Variants in PIP5K1B observed in about 807,000 individuals in gnomAD.
The protein encoded by PIP5K1B is phosphatidylinositol-4-phosphate 5-kinase type 1 beta.
PIP5K1B carries 42 observed loss-of-function variants against 67.0 expected under a neutral mutation model. The observed-to-expected ratio is 0.63, with a 90% CI of 0.49 to 0.81. The LOEUF is 0.81. Ranked by LOEUF, PIP5K1B falls within the 30% of genes least tolerant of loss-of-function variation. PIP5K1B has a pLI of 0.00. For synonymous variants in PIP5K1B, 214 were observed against 231.4 expected (o/e 0.92, Z 0.68); for missense variants, 459 against 646.3 (o/e 0.71, Z 3.14).
chr9:68,847,643 C>T (rs1822265713), intron 4 of PIP5K1B, among the ~76,000 whole-genome samples: 1 of 151,940 alleles, frequency 6.6e-6, no homozygotes, highest in Non-Finnish European at 1.5e-5. Context: ...ACTTTGGCCC[C>T]ATATAGGACA....
At chr9:68,888,125 C>T (rs150929098) in intron 6 of PIP5K1B, among the ~76,000 whole-genome samples, 72 of 152,274 alleles carry the variant, frequency 4.7e-4, no homozygotes, top group African/African-American at 1.5e-3. Context: ...ACTACAGGCA[C>T]GTGCCACCAC....
Position 68,919,712 on chromosome 9 carries a change from G to A in PIP5K1B, c.1099G>A (p.Ala367Thr). 6.4e-7 allele frequency: 1 copy of A among 1,553,246 alleles called. No individual in the cohort carries two copies. Among genetic ancestry groups the A allele is most frequent in the East Asian group, 2.2e-5 (1 of 44,466 alleles). Residue 367 changes from alanine (A) to threonine (T), a missense_variant, in exon 11 of 16, where the codon GCT (alanine) becomes ACT (threonine). By Grantham distance (58) the Ala-to-Thr change is moderately conservative. This residue lies in a region of PIP5K1B where 290 missense variants were observed against 474.4 expected (regional missense o/e 0.61). Transcript: ENST00000265382. Reference sequence around the variant, plus strand: ...GAAGAAGTTAGAACATTCCTGGAAAGCTCTTGTTTATGATGGGGTAAGTGA... The same window carrying A: ...GAAGAAGTTAGAACATTCCTGGAAAACTCTTGTTTATGATGGGGTAAGTGA... ...LMKKLEHSWK[A>T]LVYDGDTVSV...
chr9:68,790,633 C>T (rs925674478), intron 2 of PIP5K1B, among the ~76,000 whole-genome samples: 2 of 152,336 alleles, frequency 1.3e-5, no homozygotes, highest in South Asian at 2.1e-4. Flanking sequence ...CCCACTCACT[C>T]ACCCTTGTGG....
intron 15 of PIP5K1B, among the ~76,000 whole-genome samples, chr9:69,003,466 T>G (rs1442552559): frequency 6.1e-5 from 1 of 16,514 alleles, no homozygotes; most frequent in Non-Finnish European, 1.6e-4. Context: ...TAATTATAGT[T>G]AAAAAAAAAA....
chr9:68,802,478 C>T (rs1008312207), intron 2 of PIP5K1B, among the ~76,000 whole-genome samples: 14 of 151,584 alleles, frequency 9.2e-5, no homozygotes, highest in African/African-American at 3.2e-4. Context: ...AGGTTATTGC[C>T]CTCAAGGGGC....
chr9:68,731,278 T>C (rs934164196), intron 1 of PIP5K1B, among the ~76,000 whole-genome samples: 5 of 152,192 alleles, frequency 3.3e-5, no homozygotes, highest in Admixed American at 6.5e-5. Flanking sequence ...GACGTATATA[T>C]TTTGTGGGGA....
chr9:68,918,848 A>G (rs532521494), intron 9 of PIP5K1B, among the ~76,000 whole-genome samples: 27 of 152,346 alleles, frequency 1.8e-4, no homozygotes, highest in African/African-American at 5.1e-4. Flanking sequence ...GTGAAATACA[A>G]TAAGGCTATT....
At chr9:68,893,104 C>T (rs1359349561) in intron 7 of PIP5K1B, among the ~76,000 whole-genome samples, 1 of 151,682 alleles carries the variant, frequency 6.6e-6, no homozygotes, top group African/African-American at 2.4e-5. Context: ...TTTAAGGCAA[C>T]ACATTTATAT....
chr9:68,866,665 AATCAG>A (rs1413336781), intron 5 of PIP5K1B, among the ~76,000 whole-genome samples: 1 of 152,202 alleles, frequency 6.6e-6, no homozygotes, highest in Admixed American at 6.5e-5. Flanking sequence ...TGTCTAAAAT[AATCAG>A]GTACTAGACC....
intron 2 of PIP5K1B, among the ~76,000 whole-genome samples, chr9:68,793,830 T>G (rs758938999): frequency 6.6e-6 from 1 of 152,154 alleles, no homozygotes; most frequent in Non-Finnish European, 1.5e-5. Flanking sequence ...TGCCTGTGGA[T>G]AGTGAAGTCA....
chr9:68,751,306 T>TA (rs1829619721), intron 2 of PIP5K1B, among the ~76,000 whole-genome samples: 1 of 152,232 alleles, frequency 6.6e-6, no homozygotes, highest in African/African-American at 2.4e-5. Flanking sequence ...AGGTACTATG[T>TA]AAATATTCAT....
intron 14 of PIP5K1B, among the ~76,000 whole-genome samples, chr9:68,989,365 C>A (rs985847908): frequency 6.6e-6 from 1 of 151,908 alleles, no homozygotes; most frequent in African/African-American, 2.4e-5. Flanking sequence ...GAGGTGAGCT[C>A]TGATTTAAAC....
At chr9:68,762,589 T>A (rs184638297) in intron 2 of PIP5K1B, among the ~76,000 whole-genome samples, 54 of 152,244 alleles carry the variant, frequency 3.5e-4, no homozygotes, top group African/African-American at 1.2e-3. Flanking sequence ...GAAGCTGATA[T>A]AGAAGAGATA....
intron 6 of PIP5K1B, among the ~76,000 whole-genome samples, chr9:68,880,471 C>T (rs1396582557): frequency 1.3e-5 from 2 of 152,050 alleles, no homozygotes; most frequent in East Asian, 3.9e-4. Flanking sequence ...AGGAGAATCA[C>T]TTGTACCCCG....
chr9:68,987,290 G>A (rs866139768), intron 14 of PIP5K1B, among the ~76,000 whole-genome samples: 5 of 151,110 alleles, frequency 3.3e-5, no homozygotes, highest in African/African-American at 9.7e-5. Context: ...GGGGCCAGGC[G>A]TGGCGGCTTA....
chr9:68,886,190 A>AT (rs1587616630), intron 6 of PIP5K1B, among the ~76,000 whole-genome samples: 1 of 152,150 alleles, frequency 6.6e-6, no homozygotes, highest in East Asian at 1.9e-4. Context: ...AAAAAAAAAA[A>AT]GAAAAATTTA....
chr9:68,707,154 T>TA (rs1441668344), intron 1 of PIP5K1B, among the ~76,000 whole-genome samples: 1 of 152,100 alleles, frequency 6.6e-6, no homozygotes, highest in African/African-American at 2.4e-5. Context: ...GGCAGAGACT[T>TA]ATGAGGACTG....
At chr9:68,833,983 C>T (rs1223867500) in intron 4 of PIP5K1B, among the ~76,000 whole-genome samples, 1 of 152,188 alleles carries the variant, frequency 6.6e-6, no homozygotes, top group Non-Finnish European at 1.5e-5. Context: ...GATGCATAGG[C>T]ATTGGTGAAA....
At chr9:68,887,385 A>T (rs1824530996) in intron 6 of PIP5K1B, among the ~76,000 whole-genome samples, 1 of 152,158 alleles carries the variant, frequency 6.6e-6, no homozygotes, top group South Asian at 2.1e-4. Flanking sequence ...CTGGCTGTTG[A>T]GAGTATGCAG....
Sources: allele counts gnomAD v4.1 joint callset (sites outside exome capture counted in the v4.1 genomes callset), GRCh38; gene constraint gnomAD v4.1.1; regional missense constraint gnomAD v4.1.1; transcripts MANE v1.5; gene names NCBI Gene and HGNC (gene_info 2026-07-23, HGNC 2026-07-21).